Variants in PRMT2 observed in about 807,000 individuals in gnomAD.
PRMT2 encodes the protein protein arginine N-methyltransferase 2.
Under a neutral mutation model 57.6 loss-of-function variants are expected in PRMT2, and 26 were observed. That is an observed-to-expected ratio of 0.45 (90% CI 0.33 to 0.63). PRMT2 has a LOEUF of 0.63. Among genes scored for constraint, PRMT2 ranks in the 20% least tolerant of loss-of-function variants. PRMT2 has a pLI of 0.02. For missense variants in PRMT2, 472 were observed against 564.4 expected (o/e 0.84, Z 1.66); for synonymous variants, 219 against 220.0 (o/e 1.00, Z 0.04).
rs1427677709 is a variant in PRMT2 at position 46,649,575 on chromosome 21, G to A, written c.490G>A (p.Val164Met). 1 of 1,614,042 alleles carries A rather than the reference G, an allele frequency of 6.2e-7. No homozygotes were observed. The highest frequency in any genetic ancestry group is 8.5e-7 in the Non-Finnish European group (1 of 1,180,026). The change falls in exon 7 of 12, where the codon GTG becomes ATG. Residue 164 changes from valine (V) to methionine (M), a missense_variant and splice_region_variant. This residue lies in a region of PRMT2 where 243 missense variants were observed against 347.2 expected (regional missense o/e 0.70). Transcript: ENST00000355680. The surrounding 1 kb of genome is among the most constrained non-coding windows in gnomAD (Gnocchi z 4.8). ...GCTGACGGTGCCTCTGCTGCTGCAG[G>A]TGTACGCGGTGGAGGCCAGTGAGAT... ...FCAHYARPRAVYAVEASEMAQ... is the reference protein window; with the variant it reads ...FCAHYARPRAMYAVEASEMAQ...
chr21:46,651,920 C>T, intron 7 of PRMT2: 1 of 1,613,264 alleles, frequency 6.2e-7, no homozygotes, highest in Admixed American at 1.7e-5. Context: ...TGTCCCTCTT[C>T]ATGTCCTCCT....
chr21:46,659,564 A>G (rs2061589626), intron 8 of PRMT2: 1 of 955,214 alleles, frequency 1.0e-6, no homozygotes, highest in African/African-American at 1.8e-5. Flanking sequence ...GAAAAATTAT[A>G]ATGTTGTTAG....
intron 7 of PRMT2, chr21:46,658,515 T>C: frequency 1.6e-6 from 1 of 624,746 alleles, no homozygotes; most frequent in Non-Finnish European, 2.5e-6. Context: ...TTCATAGTTC[T>C]AATGGGAAAT....
At position 46,648,410 on chromosome 21, in the gene PRMT2, C is replaced by T; in HGVS notation, c.328-48C>T. ...CCCTCCATCTCAGTCCAGACCTCAG[C>T]ATGGCTCTAGGTCACAGGCAGTGAT... On this transcript the variant is annotated intron_variant, in intron 5 of 11. Coordinates refer to ENST00000355680, the MANE Select transcript of PRMT2 (RefSeq NM_206962.4). The surrounding 1 kb of genome is among the most constrained non-coding windows in gnomAD (Gnocchi z 4.8). 6.3e-7 allele frequency: 1 copy of T among 1,597,706 alleles called. No individual in the cohort carries two copies. The highest frequency in any genetic ancestry group is 8.6e-7 in the Non-Finnish European group (1 of 1,168,926).
chr21:46,648,348 G>A lies in PRMT2; in HGVS notation c.328-110G>A. Reference sequence around the variant, plus strand: ...CCAGGCCTTCCATAGTCTTCCATAGGGGTGTTGGGGTCAGGGGTCATCAGC... The same window carrying A: ...CCAGGCCTTCCATAGTCTTCCATAGAGGTGTTGGGGTCAGGGGTCATCAGC... On this transcript the variant is annotated intron_variant, in intron 5 of 11. Coordinates refer to ENST00000355680, the MANE Select transcript of PRMT2 (RefSeq NM_206962.4). The surrounding 1 kb of genome is among the most constrained non-coding windows in gnomAD (Gnocchi z 4.8). 8.8e-7 allele frequency: 1 copy of A among 1,134,928 alleles called. No individual in the cohort carries two copies. The highest frequency in any genetic ancestry group is 2.1e-5 in the Admixed American group (1 of 46,858). The allele number at this position is 1,134,928 out of a possible 1,614,324, so 70.3% of individuals were successfully genotyped here.
In PRMT2 at chr21:46,649,437, C is replaced by T. The variant is rs939446849; in HGVS notation, c.490-138C>T. 25 of 1,403,864 alleles carry T rather than the reference C, an allele frequency of 1.8e-5. No homozygotes were observed. Among genetic ancestry groups the T allele is most frequent in the African/African-American group, 1.4e-4 (10 of 70,780 alleles). The allele number at this position is 1,403,864 out of a possible 1,614,324, so 87.0% of individuals were successfully genotyped here. On this transcript the variant is annotated intron_variant, in intron 6 of 11. Transcript: ENST00000355680. This position sits in a 1 kb window ranked among gnomAD's most constrained non-coding sequence, Gnocchi z 4.8. ...TGGAGGGGCAGGTGTGGCCAGTCCT[C>T]GCTGCCTCTGCTGTCTGGAATGCTG...
intron 3 of PRMT2, among the ~76,000 whole-genome samples, chr21:46,637,635 T>C (rs2061197046): frequency 6.6e-6 from 1 of 152,196 alleles, no homozygotes. Flanking sequence ...ATTCATAAAA[T>C]GTTTTAATTC....
At position 46,656,423 on chromosome 21, in the gene PRMT2, A is replaced by G. The variant is rs147914492; in HGVS notation, c.655-2322A>G. Reference sequence around the variant, plus strand: ...TGATAGAATTTTTTAAAAGAAGGGTAAAGTTGGAGGAACTATACTACTTGA... The same window carrying G: ...TGATAGAATTTTTTAAAAGAAGGGTGAAGTTGGAGGAACTATACTACTTGA... On this transcript the variant is annotated intron_variant, in intron 7 of 11. Transcript: ENST00000355680. Among the ~76,000 whole-genome samples, 134 of 152,358 alleles carry G rather than the reference A, an allele frequency of 8.8e-4. 1 individual carries two copies. Among genetic ancestry groups the G allele is most frequent in the African/African-American group, 2.9e-3 (119 of 41,582 alleles).
chr21:46,641,598 A>T (rs1224980584), intron 3 of PRMT2, among the ~76,000 whole-genome samples: 1 of 152,112 alleles, frequency 6.6e-6, no homozygotes, highest in Non-Finnish European at 1.5e-5. Context: ...AGGCTGAGGC[A>T]TGCGAATTGC....
intron 3 of PRMT2, among the ~76,000 whole-genome samples, chr21:46,640,152 C>T (rs1259355914): frequency 1.3e-5 from 2 of 152,078 alleles, no homozygotes; most frequent in African/African-American, 2.4e-5. Context: ...CATTTACCAG[C>T]GTCCATATTT....
chr21:46,649,570 T>C lies in PRMT2; in HGVS notation c.490-5T>C, dbSNP rs745970814. The stretch of plus-strand genomic sequence containing the variant: ...TGTACGCTGACGGTGCCTCTGCTGC[T>C]GCAGGTGTACGCGGTGGAGGCCAGT... On this transcript the variant is annotated splice_polypyrimidine_tract_variant and splice_region_variant and intron_variant, in intron 6 of 11. Transcript: ENST00000355680. This position sits in a 1 kb window ranked among gnomAD's most constrained non-coding sequence, Gnocchi z 4.8. The C allele has an allele frequency of 6.2e-7, 1 of 1,614,034 alleles. No homozygotes were observed. Among genetic ancestry groups the C allele is most frequent in the Non-Finnish European group, 8.5e-7 (1 of 1,180,046 alleles).
intron 3 of PRMT2, among the ~76,000 whole-genome samples, chr21:46,639,240 T>C (rs1436516208): frequency 3.3e-5 from 5 of 152,216 alleles, no homozygotes; most frequent in African/African-American, 1.2e-4. Context: ...TTGAAATTTA[T>C]TCAGGCTTGC....
chr21:46,652,869 C>T (rs758819329), intron 7 of PRMT2: 15 of 1,302,144 alleles, frequency 1.2e-5, no homozygotes, highest in East Asian at 5.6e-5. Context: ...TGCTTGTTCT[C>T]CTGAGGCCAC....
chr21:46,652,359 G>T (rs2061473107), intron 7 of PRMT2: 1 of 1,107,404 alleles, frequency 9.0e-7, no homozygotes, highest in South Asian at 2.7e-5. Context: ...CTATTAAATG[G>T]TAAATGCAAC....
intron 5 of PRMT2, among the ~76,000 whole-genome samples, chr21:46,645,028 C>G (rs975732608): frequency 1.3e-5 from 2 of 151,816 alleles, no homozygotes; most frequent in Non-Finnish European, 2.9e-5. Context: ...TGGCTTGAGA[C>G]CAAGTGTTCA....
Position 46,648,915 on chromosome 21 carries a change from G to A in PRMT2, c.489+296G>A, listed in dbSNP as rs752573634. Among the ~76,000 whole-genome samples the A allele has an allele frequency of 6.6e-6, 1 of 152,204 alleles. No homozygotes were observed. The highest frequency in any genetic ancestry group is 1.5e-5 in the Non-Finnish European group (1 of 68,044). On this transcript the variant is annotated intron_variant, in intron 6 of 11. Coordinates refer to ENST00000355680, the MANE Select transcript of PRMT2 (RefSeq NM_206962.4). This position sits in a 1 kb window ranked among gnomAD's most constrained non-coding sequence, Gnocchi z 4.8. ...TGGGGCGGGGTATGTTCTGTGAGAC[G>A]TTTATTTCAGTTGAGTAGAGAAACA...
intron 10 of PRMT2, among the ~76,000 whole-genome samples, 185 bp downstream of exon 10, chr21:46,662,121 C>A (rs2061638076): frequency 6.6e-6 from 1 of 151,722 alleles, no homozygotes; most frequent in Admixed American, 6.6e-5. Context: ...GTAGACACCG[C>A]AGCCTGTGTG....
chr21:46,639,166 CTTAT>C (rs1455171884), intron 3 of PRMT2, among the ~76,000 whole-genome samples: 1 of 152,032 alleles, frequency 6.6e-6, no homozygotes, highest in Admixed American at 6.6e-5. Flanking sequence ...TTTACTTTTT[CTTAT>C]TTAATTTTGC....
intron 7 of PRMT2, chr21:46,651,984 C>T (rs762885494): frequency 1.4e-5 from 23 of 1,613,200 alleles, no homozygotes; most frequent in Non-Finnish European, 1.8e-5. Flanking sequence ...CTTCATCTCT[C>T]CTGGCCCATC....
Sources: allele counts gnomAD v4.1 joint callset (sites outside exome capture counted in the v4.1 genomes callset), GRCh38; gene constraint gnomAD v4.1.1; regional missense constraint gnomAD v4.1.1; non-coding constraint Gnocchi (gnomAD v3.1); transcripts MANE v1.5; gene names NCBI Gene and HGNC (gene_info 2026-07-23, HGNC 2026-07-21).